Variants in SLC44A5 observed in about 807,000 individuals in gnomAD.
SLC44A5 encodes the protein choline transporter-like protein 5.
A neutral mutation model predicts 101.8 loss-of-function variants in SLC44A5; 57 were observed. The ratio of observed to expected loss-of-function variants is 0.56; its 90% CI spans 0.45 to 0.70. The LOEUF is 0.70. Ranked by LOEUF, SLC44A5 falls within the 30% of genes least tolerant of loss-of-function variation. The probability of loss-of-function intolerance (pLI) is 0.00; values close to 1 mark genes in which losing one functional copy is unlikely to be tolerated. For missense variants in SLC44A5, 737 were observed against 853.1 expected (o/e 0.86, Z 1.70); for synonymous variants, 281 against 290.9 (o/e 0.97, Z 0.35).
At chr1:75,385,005 C>T (rs1172093546) in intron 3 of SLC44A5, among the ~76,000 whole-genome samples, 5 of 152,040 alleles carry the variant, frequency 3.3e-5, no homozygotes, top group Non-Finnish European at 7.4e-5. Context: ...TTCTTTGAAA[C>T]CAATGAGAAC....
chr1:75,718,990 T>C, the SLC44A5 span, among the ~76,000 whole-genome samples: 1 of 152,206 alleles, frequency 6.6e-6, no homozygotes, highest in Non-Finnish European at 1.5e-5. Flanking sequence ...TCTTTTGTAA[T>C]AGGACACAAT....
chr1:75,416,941 A>G (rs1310948720), intron 2 of SLC44A5, among the ~76,000 whole-genome samples: 1 of 152,172 alleles, frequency 6.6e-6, no homozygotes, highest in Non-Finnish European at 1.5e-5. Context: ...ACAGGCTCAT[A>G]GGCAGAAGGG....
intron 2 of SLC44A5, among the ~76,000 whole-genome samples, chr1:75,447,281 C>A (rs573849390): frequency 1.1e-4 from 16 of 152,238 alleles, no homozygotes; most frequent in African/African-American, 3.9e-4. Flanking sequence ...AGGTCTTTCA[C>A]TGATTTCTAT....
chr1:75,527,224 CAG>C (rs757709081), intron 2 of SLC44A5, among the ~76,000 whole-genome samples: 11 of 136,160 alleles, frequency 8.1e-5, no homozygotes, highest in Admixed American at 3.2e-4. Context: ...GGGAGGAAGA[CAG>C]AGAGAGAGAG....
At chr1:75,576,544 TC>T (rs1673379341) in intron 1 of SLC44A5, among the ~76,000 whole-genome samples, 2 of 152,096 alleles carry the variant, frequency 1.3e-5, no homozygotes, top group African/African-American at 4.8e-5. Context: ...GGTCTCGATC[TC>T]CTGACCTCGT....
intron 5 of SLC44A5, among the ~76,000 whole-genome samples, chr1:75,298,779 G>T (rs905136081): frequency 6.6e-6 from 1 of 152,108 alleles, no homozygotes; most frequent in Non-Finnish European, 1.5e-5. Flanking sequence ...ATATTGAAAA[G>T]AAATTTATTA....
intron 4 of SLC44A5, among the ~76,000 whole-genome samples, chr1:75,303,533 G>A (rs182432950): frequency 2.0e-5 from 3 of 152,096 alleles, no homozygotes; most frequent in Non-Finnish European, 2.9e-5. Flanking sequence ...CGCACCCGGC[G>A]GAAGTTTTTT....
chr1:75,482,064 T>G (rs1667891720), intron 2 of SLC44A5, among the ~76,000 whole-genome samples: 1 of 152,050 alleles, frequency 6.6e-6, no homozygotes, highest in Admixed American at 6.6e-5. Context: ...ATGTGGCACA[T>G]ATACACCATG....
At chr1:75,589,751 TC>T (rs1674239989) in intron 1 of SLC44A5, among the ~76,000 whole-genome samples, 1 of 152,112 alleles carries the variant, frequency 6.6e-6, no homozygotes, top group African/African-American at 2.4e-5. Context: ...CTCTGTGTGC[TC>T]GGGGAGAGAG....
At chr1:75,592,734 T>G (rs554505671) in intron 1 of SLC44A5, among the ~76,000 whole-genome samples, 1 of 151,836 alleles carries the variant, frequency 6.6e-6, no homozygotes, top group Non-Finnish European at 1.5e-5. Flanking sequence ...GCAAAGAATA[T>G]ATACTGGGGG....
chr1:75,566,651 T>C (rs1005382714), intron 1 of SLC44A5, among the ~76,000 whole-genome samples: 1 of 152,216 alleles, frequency 6.6e-6, no homozygotes, highest in Non-Finnish European at 1.5e-5. Flanking sequence ...TTTTATACAA[T>C]GCAGAGCACA....
At chr1:75,702,701 C>T in the SLC44A5 span, among the ~76,000 whole-genome samples, 1 of 152,154 alleles carries the variant, frequency 6.6e-6, no homozygotes, top group African/African-American at 2.4e-5. Flanking sequence ...GCAAAAGAAA[C>T]TACCATCAGA....
the SLC44A5 span, chr1:75,642,208 T>C: frequency 1.4e-3 from 772 of 565,482 alleles, 13 homozygotes; most frequent in South Asian, 0.017. Context: ...TGTGACAGCT[T>C]GTTTCTGCTT....
chr1:75,671,037 G>A, the SLC44A5 span, among the ~76,000 whole-genome samples: 1 of 152,194 alleles, frequency 6.6e-6, no homozygotes, highest in Non-Finnish European at 1.5e-5. Flanking sequence ...GGAGACAAAG[G>A]CGTAAGGAGA....
At chr1:75,238,419 T>C in intron 10 of SLC44A5, 94 bp downstream of exon 10, 1 of 501,828 alleles carries the variant, frequency 2.0e-6, no homozygotes, top group South Asian at 5.0e-5. Context: ...TATATGTGAT[T>C]ATTTTCCTAT....
At chr1:75,464,577 A>G (rs1049070871) in intron 2 of SLC44A5, among the ~76,000 whole-genome samples, 1 of 152,134 alleles carries the variant, frequency 6.6e-6, no homozygotes, top group Non-Finnish European at 1.5e-5. Flanking sequence ...ATGTAAATGG[A>G]CTAAACTCTT....
At chr1:75,219,411 T>C (rs2100497569) in intron 15 of SLC44A5, 67 bp from the exon 16 acceptor site, 3 of 1,007,580 alleles carry the variant, frequency 3.0e-6, no homozygotes, top group Non-Finnish European at 4.7e-6. Flanking sequence ...AAGAAAACAA[T>C]ACTGACAACT....
intron 2 of SLC44A5, among the ~76,000 whole-genome samples, chr1:75,480,554 A>G (rs11808783): frequency 0.16 from 25,023 of 151,914 alleles, 2,464 homozygotes; most frequent in African/African-American, 0.27. Flanking sequence ...CTTCAGCAAA[A>G]TCTCAGGATA....
intron 3 of SLC44A5, among the ~76,000 whole-genome samples, chr1:75,387,368 AAAAC>A (rs1661436832): frequency 1.5e-5 from 2 of 129,050 alleles, no homozygotes; most frequent in African/African-American, 6.1e-5. Flanking sequence ...TTACAAGAAA[AAAAC>A]AAACAACCCC....
Sources: allele counts gnomAD v4.1 joint callset (sites outside exome capture counted in the v4.1 genomes callset), GRCh38; gene constraint gnomAD v4.1.1; transcripts MANE v1.5; gene names NCBI Gene and HGNC (gene_info 2026-07-23, HGNC 2026-07-21).